LRRTM4: variants seen among roughly 807,000 people sequenced by gnomAD.
The protein encoded by LRRTM4 is leucine rich repeat transmembrane neuronal 4.
In LRRTM4, 25 loss-of-function variants were observed where a neutral mutation model predicts 47.6. That is an observed-to-expected ratio of 0.53 (90% CI 0.38 to 0.73). The LOEUF (loss-of-function observed/expected upper bound fraction) is 0.73, where lower values mean the gene tolerates loss of function less well. Ranked by LOEUF, LRRTM4 falls within the 30% of genes least tolerant of loss-of-function variation. The probability of loss-of-function intolerance (pLI) is 0.00; values close to 1 mark genes in which losing one functional copy is unlikely to be tolerated. For missense variants in LRRTM4, 638 were observed against 713.4 expected (o/e 0.89, Z 1.20); for synonymous variants, 311 against 269.5 (o/e 1.15, Z -1.51).
chr2:76,789,360 C>G (rs1674847690), intron 3 of LRRTM4, among the ~76,000 whole-genome samples: 1 of 152,200 alleles, frequency 6.6e-6, no homozygotes, highest in Non-Finnish European at 1.5e-5. Flanking sequence ...CTCGCAGCCT[C>G]TTGACCTCAC....
chr2:76,783,389 C>G (rs1024321998), intron 3 of LRRTM4, among the ~76,000 whole-genome samples: 2 of 152,016 alleles, frequency 1.3e-5, no homozygotes, highest in African/African-American at 4.8e-5. Context: ...GTAAAATATA[C>G]ATAACATAAA....
intron 3 of LRRTM4, among the ~76,000 whole-genome samples, chr2:77,290,636 G>A (rs1676797475): frequency 6.6e-6 from 1 of 151,916 alleles, no homozygotes; most frequent in Non-Finnish European, 1.5e-5. Flanking sequence ...TTCTGTGCTT[G>A]TATCAAAATA....
intron 3 of LRRTM4, among the ~76,000 whole-genome samples, chr2:77,457,876 A>T (rs1456269241): frequency 6.6e-6 from 1 of 152,098 alleles, no homozygotes. Flanking sequence ...TTTGTAAGAG[A>T]TGCCTTCCTG....
intron 3 of LRRTM4, among the ~76,000 whole-genome samples, chr2:77,047,897 G>A (rs1032803374): frequency 2.6e-5 from 4 of 152,054 alleles, no homozygotes; most frequent in Non-Finnish European, 5.9e-5. Flanking sequence ...TGTCAAGTTT[G>A]GGGTTGAGGT....
At chr2:77,205,593 A>G (rs1198583574) in intron 3 of LRRTM4, among the ~76,000 whole-genome samples, 1 of 152,134 alleles carries the variant, frequency 6.6e-6, no homozygotes, top group African/African-American at 2.4e-5. Context: ...AAAGAGGAAG[A>G]GGGAGAATGG....
chr2:76,829,396 G>A (rs1671272614), intron 3 of LRRTM4, among the ~76,000 whole-genome samples: 1 of 151,856 alleles, frequency 6.6e-6, no homozygotes, highest in Non-Finnish European at 1.5e-5. Context: ...GGGCTCCCTT[G>A]CCTAAGGATT....
chr2:77,427,592 C>A (rs1675173772), intron 3 of LRRTM4, among the ~76,000 whole-genome samples: 1 of 152,180 alleles, frequency 6.6e-6, no homozygotes, highest in South Asian at 2.1e-4. Flanking sequence ...ATGAGTTTTG[C>A]AGATTAATAT....
chr2:77,392,451 A>G lies in LRRTM4; in HGVS notation c.1551+125867T>C, dbSNP rs1188857864. On this transcript the variant is annotated intron_variant, in intron 3 of 3. Transcript: ENST00000409884. ...AAATTCACTGAGACCTGTCTCAGAT[A>G]CTTTTTGGTTTACACCATCAATGGA... Among the ~76,000 whole-genome samples the G allele has an allele frequency of 2.6e-5, 4 of 152,086 alleles. No homozygotes were observed. In the South Asian group the frequency reaches 8.3e-4, roughly 32 times the overall value.
intron 3 of LRRTM4, among the ~76,000 whole-genome samples, chr2:76,773,687 G>A (rs1321477186): frequency 1.3e-5 from 2 of 151,378 alleles, no homozygotes; most frequent in Non-Finnish European, 2.9e-5. Flanking sequence ...AATTTCCTAA[G>A]ATGTAATCTT....
chr2:77,338,039 A>G (rs1558695003), intron 3 of LRRTM4, among the ~76,000 whole-genome samples: 1 of 152,184 alleles, frequency 6.6e-6, no homozygotes, highest in Non-Finnish European at 1.5e-5. Flanking sequence ...GGCTAGCCAT[A>G]TGCAGAAGAT....
intron 3 of LRRTM4, among the ~76,000 whole-genome samples, chr2:77,102,287 C>T (rs770931454): frequency 6.6e-6 from 1 of 152,176 alleles, no homozygotes; most frequent in Non-Finnish European, 1.5e-5. Context: ...GTGTTGCTTC[C>T]CCATTCCTCT....
chr2:77,251,209 GTATATA>G (rs1675604451), intron 3 of LRRTM4, among the ~76,000 whole-genome samples: 1 of 28,558 alleles, frequency 3.5e-5, no homozygotes, highest in Admixed American at 4.4e-4. Context: ...ACATATATAT[GTATATA>G]TGTGTATATA....
chr2:77,137,088 A>C (rs1256802414), intron 3 of LRRTM4, among the ~76,000 whole-genome samples: 1 of 151,880 alleles, frequency 6.6e-6, no homozygotes, highest in Non-Finnish European at 1.5e-5. Flanking sequence ...CCAACCTACC[A>C]AGGCAGGTCA....
intron 3 of LRRTM4, among the ~76,000 whole-genome samples, chr2:77,112,589 G>A (rs7601465): frequency 0.61 from 92,326 of 151,546 alleles, 29,046 homozygotes; most frequent in African/African-American, 0.77. Context: ...AAAGGTTTAA[G>A]CAAGGAGGGA....
At chr2:76,923,460 CAG>C (rs1277226765) in intron 3 of LRRTM4, among the ~76,000 whole-genome samples, 4 of 151,836 alleles carry the variant, frequency 2.6e-5, no homozygotes, top group Admixed American at 6.6e-5. Context: ...AAAAAAAAGA[CAG>C]GGTGTTAATA....
chr2:77,517,482 C>T (rs1269024955), intron 3 of LRRTM4: 1 of 985,002 alleles, frequency 1.0e-6, no homozygotes, highest in Admixed American at 6.2e-5. Flanking sequence ...ATTGCTAAAT[C>T]ATCCACAAAA....
At chr2:76,834,419 A>C (rs745699761) in intron 3 of LRRTM4, among the ~76,000 whole-genome samples, 87 of 152,028 alleles carry the variant, frequency 5.7e-4, no homozygotes, top group Non-Finnish European at 1.1e-3. Flanking sequence ...AGGAGATTTC[A>C]AGATATACGT....
chr2:77,130,824 A>ATT (rs768577274), intron 3 of LRRTM4, among the ~76,000 whole-genome samples: 1,555 of 35,612 alleles, frequency 0.044, 463 homozygotes, highest in East Asian at 0.19. Context: ...TATTTGTTCT[A>ATT]TTTTTTTTTT....
chr2:77,030,773 G>A (rs1235827491), intron 3 of LRRTM4, among the ~76,000 whole-genome samples: 2 of 152,144 alleles, frequency 1.3e-5, no homozygotes, highest in Admixed American at 6.5e-5. Flanking sequence ...GCTTGCTAAA[G>A]ACTATTGGCA....
Sources: allele counts gnomAD v4.1 joint callset (sites outside exome capture counted in the v4.1 genomes callset), GRCh38; gene constraint gnomAD v4.1.1; transcripts MANE v1.5; gene names NCBI Gene and HGNC (gene_info 2026-07-23, HGNC 2026-07-21).